GPC6: variants seen among roughly 807,000 people sequenced by gnomAD.
The protein encoded by GPC6 is glypican 6, also known as glypican-6.
Under a neutral mutation model 55.2 loss-of-function variants are expected in GPC6, and 14 were observed. That is an observed-to-expected ratio of 0.25 (90% CI 0.17 to 0.40). The LOEUF (loss-of-function observed/expected upper bound fraction) is 0.40, where lower values mean the gene tolerates loss of function less well. Among genes scored for constraint, GPC6 ranks in the 10% least tolerant of loss-of-function variants. The pLI is 1.00. For missense variants in GPC6, 641 were observed against 708.5 expected (o/e 0.90, Z 1.08); for synonymous variants, 278 against 259.6 (o/e 1.07, Z -0.68).
Position 93,231,368 on chromosome 13 carries a change from T to TATATAC in GPC6, c.160+3757_160+3758insCATATA, listed in dbSNP as rs1566533416. Among the ~76,000 whole-genome samples the TATATAC allele has an allele frequency of 4.2e-3, 75 of 17,916 alleles. 2 individuals carry two copies. Among genetic ancestry groups the TATATAC allele is most frequent in the African/African-American group, 0.022 (74 of 3,368 alleles). The allele number at this position is 17,916 out of a possible 152,430, so 11.8% of individuals were successfully genotyped here. On this transcript the variant is annotated intron_variant, in intron 1 of 8. Transcript: ENST00000377047. ...ATACATATATATATATACGTATATA[T>TATATAC]ATATATATATACATATATATATATA...
chr13:94,073,676 G>A (rs1291169229), intron 4 of GPC6, among the ~76,000 whole-genome samples: 1 of 152,182 alleles, frequency 6.6e-6, no homozygotes, highest in East Asian at 1.9e-4. Flanking sequence ...GTATCAGGTG[G>A]TTCTGTGCAT....
intron 1 of GPC6, among the ~76,000 whole-genome samples, chr13:93,486,887 G>T (rs1879733800): frequency 6.6e-6 from 1 of 150,458 alleles, no homozygotes; most frequent in African/African-American, 2.4e-5. Context: ...GGAGGTTGCA[G>T]TAAGCTGAGA....
intron 2 of GPC6, among the ~76,000 whole-genome samples, chr13:93,547,104 G>A (rs188703222): frequency 1.3e-5 from 2 of 151,948 alleles, no homozygotes; most frequent in Admixed American, 6.6e-5. Context: ...GCTGAGGCGG[G>A]TGGATCATGA....
intron 2 of GPC6, among the ~76,000 whole-genome samples, chr13:93,625,533 A>G (rs535502705): frequency 6.6e-6 from 1 of 152,272 alleles, no homozygotes; most frequent in South Asian, 2.1e-4. Context: ...CCAGGTGTCA[A>G]CCCAGGTAGG....
At chr13:93,400,430 T>C (rs1876028174) in intron 1 of GPC6, among the ~76,000 whole-genome samples, 1 of 149,460 alleles carries the variant, frequency 6.7e-6, no homozygotes, top group South Asian at 2.1e-4. Flanking sequence ...TAGAAATAAT[T>C]GCAGATTACC....
chr13:93,403,850 T>A (rs1198207300), intron 1 of GPC6, among the ~76,000 whole-genome samples: 1 of 152,180 alleles, frequency 6.6e-6, no homozygotes, highest in Non-Finnish European at 1.5e-5. Flanking sequence ...ATGAGCTTTG[T>A]GGTTGAAAAT....
intron 3 of GPC6, among the ~76,000 whole-genome samples, chr13:93,872,612 T>C (rs1357428492): frequency 6.6e-6 from 1 of 151,920 alleles, no homozygotes; most frequent in Non-Finnish European, 1.5e-5. Context: ...TCGTGCCTTT[T>C]TCTCCCATCT....
chr13:93,779,791 G>A (rs1038538331), intron 2 of GPC6, among the ~76,000 whole-genome samples: 2 of 152,086 alleles, frequency 1.3e-5, no homozygotes, highest in Admixed American at 1.3e-4. Context: ...ATGTACCTTA[G>A]AGCTTAATGT....
At chr13:93,819,067 A>G (rs558226002) in intron 2 of GPC6, among the ~76,000 whole-genome samples, 1 of 152,316 alleles carries the variant, frequency 6.6e-6, no homozygotes, top group Admixed American at 6.5e-5. Context: ...CAGCCTGGGC[A>G]TAAAGATTTT....
chr13:93,449,566 G>C (rs1024670667), intron 1 of GPC6, among the ~76,000 whole-genome samples: 1 of 152,134 alleles, frequency 6.6e-6, no homozygotes, highest in African/African-American at 2.4e-5. Flanking sequence ...CGGTGCTCAC[G>C]CACATAATCC....
chr13:94,266,647 C>G lies in GPC6; in HGVS notation c.878-19702C>G, dbSNP rs188844662. The stretch of plus-strand genomic sequence containing the variant: ...GCTCCCCTTTCCCTGCCCGGACTGA[C>G]TTAAATGCTCTTTCTTCAAGATTTC... On this transcript the variant is annotated intron_variant, in intron 4 of 8. Coordinates refer to ENST00000377047, the MANE Select transcript of GPC6 (RefSeq NM_005708.5). Among the ~76,000 whole-genome samples the G allele has an allele frequency of 4.8e-3, 723 of 152,104 alleles. 9 individuals are homozygous for G. The highest frequency in any genetic ancestry group is 0.017 in the African/African-American group (702 of 41,522).
At chr13:93,773,710 T>C (rs990228548) in intron 2 of GPC6, among the ~76,000 whole-genome samples, 3 of 152,174 alleles carry the variant, frequency 2.0e-5, no homozygotes, top group African/African-American at 7.2e-5. Context: ...TCTGTGATTT[T>C]CATAGCCATC....
At chr13:93,322,746 A>C (rs1879501516) in intron 1 of GPC6, among the ~76,000 whole-genome samples, 1 of 151,548 alleles carries the variant, frequency 6.6e-6, no homozygotes, top group East Asian at 1.9e-4. Context: ...GGCCTAAGTT[A>C]ATTATTTTGT....
intron 4 of GPC6, among the ~76,000 whole-genome samples, chr13:94,233,259 T>A (rs559784080): frequency 8.6e-5 from 13 of 151,930 alleles, no homozygotes; most frequent in Non-Finnish European, 1.3e-4. Context: ...CTAATGTAGA[T>A]CTAAAAACAA....
At chr13:93,677,463 G>A (rs1881678653) in intron 2 of GPC6, among the ~76,000 whole-genome samples, 1 of 151,974 alleles carries the variant, frequency 6.6e-6, no homozygotes, top group South Asian at 2.1e-4. Flanking sequence ...TCTCTTCTAA[G>A]TCATTACAAA....
At position 93,805,334 on chromosome 13, in the gene GPC6, A is replaced by T. The variant is rs118054658; in HGVS notation, c.320-24820A>T. On this transcript the variant is annotated intron_variant, in intron 2 of 8. Coordinates refer to ENST00000377047, the MANE Select transcript of GPC6 (RefSeq NM_005708.5). ...CCTGTATTCTAAGTGCTTTGCATAC[A>T]TTACATACCTGTCACCCTCTATCAC... 3.8e-3 allele frequency among the ~76,000 whole-genome samples: 580 copies of T among 152,306 alleles called. 2 individuals are homozygous for T. Among genetic ancestry groups the T allele is most frequent in the Non-Finnish European group, 6.7e-3 (456 of 68,028 alleles).
At chr13:93,419,348 C>T (rs1179084112) in intron 1 of GPC6, among the ~76,000 whole-genome samples, 1 of 151,622 alleles carries the variant, frequency 6.6e-6, no homozygotes, top group African/African-American at 2.4e-5. Context: ...GCTCAGTTCT[C>T]TATGTAAAGG....
intron 3 of GPC6, among the ~76,000 whole-genome samples, chr13:93,940,924 G>A (rs1463781077): frequency 6.6e-6 from 1 of 152,200 alleles, no homozygotes. Flanking sequence ...TGCTGAAGCT[G>A]AATGATAGCT....
chr13:93,738,967 A>ACG (rs1488605943), intron 2 of GPC6, among the ~76,000 whole-genome samples: 1 of 149,844 alleles, frequency 6.7e-6, no homozygotes, highest in Non-Finnish European at 1.5e-5. Flanking sequence ...ACACACACAC[A>ACG]CACACTCACA....
Sources: gnomAD v4.1 joint callset for allele counts (sites outside exome capture counted in the v4.1 genomes callset) on GRCh38, gnomAD v4.1.1 for gene constraint, MANE v1.5 for transcripts, NCBI Gene and HGNC (gene_info 2026-07-23, HGNC 2026-07-21) for gene names.